The following TMEM232 variants were observed in gnomAD, a reference collection of about 807,000 sequenced individuals.
The protein encoded by TMEM232 is transmembrane protein 232.
Under a neutral mutation model 78.8 loss-of-function variants are expected in TMEM232, and 80 were observed. That is an observed-to-expected ratio of 1.01 (90% confidence interval 0.85 to 1.22). The LOEUF is 1.22. Ranked by LOEUF, TMEM232 falls within the 50% of genes most tolerant of loss-of-function variation. The probability of loss-of-function intolerance (pLI) is 0.00; values close to 1 mark genes in which losing one functional copy is unlikely to be tolerated. For missense variants in TMEM232, 881 were observed against 742.2 expected (o/e 1.19, Z -2.17); for synonymous variants, 297 against 254.3 (o/e 1.17, Z -1.60).
chr5:110,423,140 TCG>T (rs974081666), intron 13 of TMEM232, among the ~76,000 whole-genome samples: 9 of 152,194 alleles, frequency 5.9e-5, no homozygotes, highest in African/African-American at 2.2e-4. Flanking sequence ...TTGTTATTTG[TCG>T]ATATTGCAGA....
intron 12 of TMEM232, among the ~76,000 whole-genome samples, chr5:110,486,846 T>G (rs1308249113): frequency 2.0e-5 from 3 of 152,098 alleles, no homozygotes; most frequent in Admixed American, 1.3e-4. Context: ...TTTCTAATTC[T>G]GTTTAGAATG....
At chr5:110,465,108 A>G (rs1371516750) in intron 12 of TMEM232, among the ~76,000 whole-genome samples, 2 of 152,246 alleles carry the variant, frequency 1.3e-5, no homozygotes, top group Non-Finnish European at 2.9e-5. Flanking sequence ...ATGTAGGTGT[A>G]GAGTGAAAAG....
intron 12 of TMEM232, among the ~76,000 whole-genome samples, chr5:110,518,251 C>A (rs1340600741): frequency 2.6e-5 from 4 of 151,862 alleles, no homozygotes; most frequent in African/African-American, 9.7e-5. Flanking sequence ...TCTTAATCTG[C>A]TTTTGTTAAC....
intron 2 of TMEM232, among the ~76,000 whole-genome samples, chr5:110,403,770 A>G (rs1397896816): frequency 6.6e-6 from 1 of 152,008 alleles, no homozygotes; most frequent in Non-Finnish European, 1.5e-5. Flanking sequence ...TTCAGTATGC[A>G]GCTTGGGCCC....
chr5:110,413,175 GA>G (rs1756061261), intron 2 of TMEM232, among the ~76,000 whole-genome samples: 1 of 152,102 alleles, frequency 6.6e-6, no homozygotes, highest in South Asian at 2.1e-4. Flanking sequence ...AGTGCAGCTA[GA>G]AAAAAAGCAG....
intron 10 of TMEM232, among the ~76,000 whole-genome samples, chr5:110,573,295 A>G (rs1236773082): frequency 6.6e-6 from 1 of 152,086 alleles, no homozygotes; most frequent in East Asian, 1.9e-4. Flanking sequence ...AGTGTACATA[A>G]GTATAGCCTT....
intron 12 of TMEM232, among the ~76,000 whole-genome samples, chr5:110,471,290 T>C (rs569292189): frequency 7.2e-5 from 11 of 152,216 alleles, no homozygotes; most frequent in Non-Finnish European, 1.3e-4. Context: ...ATTTGTATTA[T>C]GGGAATTCCA....
At chr5:110,705,787 T>G (rs1795878214) in intron 1 of TMEM232, among the ~76,000 whole-genome samples, 1 of 151,184 alleles carries the variant, frequency 6.6e-6, no homozygotes, top group Admixed American at 6.6e-5. Flanking sequence ...TGTGTATGTG[T>G]GTGTATAAAA....
At chr5:110,609,606 G>C (rs936549922) in intron 8 of TMEM232, among the ~76,000 whole-genome samples, 2 of 151,866 alleles carry the variant, frequency 1.3e-5, no homozygotes, top group African/African-American at 4.8e-5. Flanking sequence ...GATGGGAGAA[G>C]GTGGGAAGAG....
At chr5:110,527,830 A>T (rs1770819606) in intron 12 of TMEM232, among the ~76,000 whole-genome samples, 1 of 151,998 alleles carries the variant, frequency 6.6e-6, no homozygotes, top group African/African-American at 2.4e-5. Flanking sequence ...TACTAGAAAA[A>T]ATATAACAAT....
intron 1 of TMEM232, among the ~76,000 whole-genome samples, chr5:110,683,466 C>T (rs1215510540): frequency 1.3e-5 from 2 of 151,128 alleles, no homozygotes; most frequent in African/African-American, 4.9e-5. Flanking sequence ...GTTTAAACAA[C>T]CAAAAAAATA....
rs572530143 is a variant in TMEM232, at chr5:110,454,544, T to G, written c.1704-29628A>C. ...AGATATATGGAAAATGACTAAATAT[T>G]TGGAAGTAAACAAAACACTTCTAAA... On this transcript the variant is annotated intron_variant, in intron 12 of 13. Coordinates refer to ENST00000455884, the MANE Select transcript of TMEM232 (RefSeq NM_001039763.4). Among the ~76,000 whole-genome samples the G allele has an allele frequency of 2.0e-5, 3 of 152,042 alleles. No individual in the cohort carries two copies. The East Asian group carries it at 5.8e-4, about 29-fold the overall frequency.
chr5:110,583,097 C>T (rs532126205), intron 10 of TMEM232, among the ~76,000 whole-genome samples: 2 of 151,878 alleles, frequency 1.3e-5, no homozygotes, highest in South Asian at 4.2e-4. Context: ...TCTACAAATT[C>T]AATACTGTCT....
chr5:110,675,038 T>C (rs1282998541), intron 1 of TMEM232, among the ~76,000 whole-genome samples: 1 of 5,340 alleles, frequency 1.9e-4, no homozygotes, highest in East Asian at 0.033. Flanking sequence ...TTTATTTATT[T>C]ATTTATTTAT....
chr5:110,495,263 T>C (rs1357117698), intron 12 of TMEM232, among the ~76,000 whole-genome samples: 2 of 151,904 alleles, frequency 1.3e-5, no homozygotes, highest in African/African-American at 2.4e-5. Context: ...TCTATTCCAG[T>C]GGTTCTCAAT....
At chr5:110,445,399 C>A (rs1759537110) in intron 12 of TMEM232, among the ~76,000 whole-genome samples, 1 of 152,068 alleles carries the variant, frequency 6.6e-6, no homozygotes, top group Non-Finnish European at 1.5e-5. Context: ...CCATCACATT[C>A]CCCACAACCC....
chr5:110,513,010 A>G (rs919087806), intron 12 of TMEM232, among the ~76,000 whole-genome samples: 3 of 152,224 alleles, frequency 2.0e-5, no homozygotes, highest in African/African-American at 7.2e-5. Context: ...GCATAAAGCT[A>G]TGGCAGTGAA....
intron 2 of TMEM232, among the ~76,000 whole-genome samples, chr5:110,666,486 T>A (rs924150277): frequency 3.3e-5 from 5 of 152,134 alleles, no homozygotes; most frequent in African/African-American, 4.8e-5. Context: ...TTTACCTACA[T>A]CCTATTAGTA....
At chr5:110,595,547 C>A (rs1780058829) in intron 10 of TMEM232, among the ~76,000 whole-genome samples, 1 of 152,134 alleles carries the variant, frequency 6.6e-6, no homozygotes, top group Non-Finnish European at 1.5e-5. Context: ...ACAGGAACTG[C>A]TAACTAGAAT....
Sources: allele counts gnomAD v4.1 joint callset (sites outside exome capture counted in the v4.1 genomes callset), GRCh38; gene constraint gnomAD v4.1.1; transcripts MANE v1.5; gene names NCBI Gene and HGNC (gene_info 2026-07-23, HGNC 2026-07-21).